The following ARHGAP24 variants were observed in gnomAD, a reference collection of about 807,000 sequenced individuals.
ARHGAP24 encodes the protein rho GTPase-activating protein 24.
A neutral mutation model predicts 76.4 loss-of-function variants in ARHGAP24; 50 were observed. The observed-to-expected ratio is 0.65, with a 90% CI of 0.52 to 0.83. ARHGAP24 has a LOEUF of 0.83. ARHGAP24 is among the 40% of genes least tolerant of loss of function. The pLI, the probability that ARHGAP24 is intolerant of heterozygous loss-of-function variation, is 0.00. For missense variants in ARHGAP24, 930 were observed against 914.2 expected (o/e 1.02, Z -0.22); for synonymous variants, 345 against 323.3 (o/e 1.07, Z -0.72).
Position 85,721,925 on chromosome 4 carries a change from C to T in ARHGAP24, c.221C>T (p.Pro74Leu). 4 of 1,613,392 alleles carry T rather than the reference C, an allele frequency of 2.5e-6. No individual in the cohort carries two copies. The highest frequency in any genetic ancestry group is 3.4e-6 in the Non-Finnish European group (4 of 1,179,632). The change falls in exon 3 of 10, where the codon CCC becomes CTC. Residue 74 changes from proline (P) to leucine (L), a missense_variant. Transcript: ENST00000395184. Reference protein sequence around the residue: ...FLPGNKVSEHPCNEENPGKFL... With the variant: ...FLPGNKVSEHLCNEENPGKFL... ...CCTGGAAATAAAGTTTCTGAGCATC[C>T]CTGCAATGAAGAGAACCCAGGGAAG...
At chr4:85,505,308 A>C (rs373946755) in intron 1 of ARHGAP24, among the ~76,000 whole-genome samples, 6 of 152,284 alleles carry the variant, frequency 3.9e-5, no homozygotes, top group East Asian at 3.9e-4. Context: ...TAATATCCTG[A>C]AGAGTGTTTT....
chr4:85,952,444 G>A (rs1485139447), intron 5 of ARHGAP24, among the ~76,000 whole-genome samples: 2 of 152,164 alleles, frequency 1.3e-5, no homozygotes, highest in Non-Finnish European at 2.9e-5. Context: ...TGGAAGCTAT[G>A]GATCCATTTG....
intron 3 of ARHGAP24, among the ~76,000 whole-genome samples, chr4:85,738,078 G>T (rs958649212): frequency 6.6e-6 from 1 of 151,858 alleles, no homozygotes; most frequent in Non-Finnish European, 1.5e-5. Context: ...CCACCACCAT[G>T]CCCAGCTAAT....
At chr4:85,683,103 A>AGTGT (rs796250011) in intron 2 of ARHGAP24, among the ~76,000 whole-genome samples, 2 of 16,110 alleles carry the variant, frequency 1.2e-4, no homozygotes, top group African/African-American at 6.6e-4. Flanking sequence ...TAACTCTCTC[A>AGTGT]GTGTGTGGGG....
At chr4:85,563,961 T>C (rs1240039225) in intron 1 of ARHGAP24, among the ~76,000 whole-genome samples, 4 of 152,086 alleles carry the variant, frequency 2.6e-5, no homozygotes, top group Non-Finnish European at 4.4e-5. Flanking sequence ...ACAGCTACAG[T>C]TATTGAGGAA....
At chr4:85,708,687 G>A (rs1251617902) in intron 2 of ARHGAP24, among the ~76,000 whole-genome samples, 2 of 152,102 alleles carry the variant, frequency 1.3e-5, no homozygotes, top group African/African-American at 4.8e-5. Context: ...GTCAGAGGGC[G>A]CACTCTGTTG....
intron 3 of ARHGAP24, among the ~76,000 whole-genome samples, chr4:85,784,652 A>G (rs1253861329): frequency 1.3e-5 from 2 of 152,024 alleles, no homozygotes; most frequent in African/African-American, 4.8e-5. Flanking sequence ...ATGGTATTCC[A>G]GTGCTTCAAA....
At chr4:85,650,628 A>G (rs2109980322) in intron 2 of ARHGAP24, among the ~76,000 whole-genome samples, 1 of 149,728 alleles carries the variant, frequency 6.7e-6, no homozygotes, top group East Asian at 1.9e-4. Flanking sequence ...TTTGAATAAT[A>G]CAATAATTAT....
At chr4:85,738,370 A>T (rs779343862) in intron 3 of ARHGAP24, among the ~76,000 whole-genome samples, 5 of 64,194 alleles carry the variant, frequency 7.8e-5, no homozygotes, top group African/African-American at 2.4e-4. Context: ...TTGGGCTTTT[A>T]TTATTATTAT....
In ARHGAP24 at chr4:85,758,638, C is replaced by T. The variant is rs140884282; in HGVS notation, c.268+36666C>T. Among the ~76,000 whole-genome samples the T allele has an allele frequency of 2.9e-3, 443 of 152,176 alleles. 3 individuals are homozygous for T. The highest frequency in any genetic ancestry group is 0.01 in the African/African-American group (420 of 41,510). On this transcript the variant is annotated intron_variant, in intron 3 of 9. Transcript: ENST00000395184. ...CCTGGCACCTCATTGCACATGGGTG[C>T]GTTGGAGGAAGGCAAGTGGGAAGAT...
rs563593058 is a variant in ARHGAP24, at chr4:85,666,210, C to G, written c.181-55675C>G. On this transcript the variant is annotated intron_variant, in intron 2 of 9. Transcript: ENST00000395184. ...TCCTGTATTTCTTGGAGGCTTTGTT[C>G]GTTTGTTTTTATTCTTTTTTCTCTA... 1.1e-4 allele frequency among the ~76,000 whole-genome samples: 17 copies of G among 152,210 alleles called. No individual in the cohort carries two copies. In the South Asian group the frequency reaches 3.1e-3, roughly 28 times the overall value.
intron 3 of ARHGAP24, among the ~76,000 whole-genome samples, chr4:85,806,477 C>T (rs1236504436): frequency 1.3e-5 from 2 of 152,168 alleles, no homozygotes; most frequent in African/African-American, 2.4e-5. Context: ...CATTCTACTT[C>T]TAAGGGCATT....
At chr4:85,997,371 TATAG>T (rs70948774) in intron 9 of ARHGAP24, among the ~76,000 whole-genome samples, 12,717 of 147,482 alleles carry the variant, frequency 0.086, 585 homozygotes, top group African/African-American at 0.098. Context: ...AGATGATAGA[TATAG>T]ATAGATAGAT....
chr4:85,890,055 T>C lies in ARHGAP24; in HGVS notation c.269-33593T>C, dbSNP rs180802507. ...TTCCTTCCCATCATGCTGTCAGGGT[T>C]GTAGGAAAGCAAAGATTCCCTGTTT... On this transcript the variant is annotated intron_variant, in intron 3 of 9. Transcript: ENST00000395184. Among the ~76,000 whole-genome samples, 31 of 152,250 alleles carry C rather than the reference T, an allele frequency of 2.0e-4. No homozygotes were observed. The East Asian group carries it at 6.0e-3, about 29-fold the overall frequency.
At chr4:85,951,032 A>AT (rs1256726150) in intron 5 of ARHGAP24, among the ~76,000 whole-genome samples, 1 of 152,162 alleles carries the variant, frequency 6.6e-6, no homozygotes, top group Non-Finnish European at 1.5e-5. Flanking sequence ...CTGTCAAAAT[A>AT]TTTTTAGCAA....
chr4:85,501,709 G>T lies in ARHGAP24; in HGVS notation c.-21+26150G>T, dbSNP rs1723823611. Among the ~76,000 whole-genome samples, 3 of 152,144 alleles carry T rather than the reference G, an allele frequency of 2.0e-5. No individual in the cohort carries two copies. In the South Asian group the frequency reaches 6.2e-4, roughly 32 times the overall value. On this transcript the variant is annotated intron_variant, in intron 1 of 9. Transcript: ENST00000395184. ...TGATGGTAGTTTCTTTTGCTGTGCA[G>T]AAGCTCTTTAGTTTAATTAGATCCC... is the stretch of plus-strand genomic sequence containing the variant.
rs1477190764 is a variant in ARHGAP24 at position 86,000,649 on chromosome 4, T to C, written c.2174T>C (p.Phe725Ser). ...NDMLQKEMEQ[F>S]FSTFGELTVE... ...ATGCTACAGAAAGAAATGGAGCAGTTTTTTTCCACGTTTGGAGAACTGACA... is the reference window on the plus strand; with the variant it reads ...ATGCTACAGAAAGAAATGGAGCAGTCTTTTTCCACGTTTGGAGAACTGACA... The change falls in exon 10 of 10, where the codon TTT becomes TCT. Residue 725 changes from phenylalanine to serine, a missense_variant. Coordinates refer to ENST00000395184, the MANE Select transcript of ARHGAP24 (RefSeq NM_001025616.3). 1.2e-6 allele frequency: 2 copies of C among 1,613,914 alleles called. No individual in the cohort carries two copies. The highest frequency in any genetic ancestry group is 1.7e-5 in the Admixed American group (1 of 60,004).
chr4:85,578,715 A>G (rs1727487906), intron 2 of ARHGAP24, among the ~76,000 whole-genome samples: 1 of 150,004 alleles, frequency 6.7e-6, no homozygotes, highest in Admixed American at 6.7e-5. Flanking sequence ...GTCCATATAT[A>G]AAGCAGTTAA....
chr4:85,671,932 A>T (rs1285204998), intron 2 of ARHGAP24, among the ~76,000 whole-genome samples: 1 of 152,132 alleles, frequency 6.6e-6, no homozygotes. Flanking sequence ...TTTCCATTTG[A>T]GGAGCTGAGT....
Sources: gnomAD v4.1 joint callset for allele counts (sites outside exome capture counted in the v4.1 genomes callset) on GRCh38, gnomAD v4.1.1 for gene constraint, MANE v1.5 for transcripts, NCBI Gene and HGNC (gene_info 2026-07-23, HGNC 2026-07-21) for gene names.